Variants in DROSHA observed in about 807,000 individuals in gnomAD.
DROSHA encodes the protein ribonuclease 3.
In DROSHA, 56 loss-of-function variants were observed where a neutral mutation model predicts 181.9. The ratio of observed to expected loss-of-function variants is 0.31; its 90% confidence interval spans 0.25 to 0.38. The LOEUF (loss-of-function observed/expected upper bound fraction) is 0.38, where lower values mean the gene tolerates loss of function less well. DROSHA is among the 10% of genes least tolerant of loss of function. The pLI, the probability that DROSHA is intolerant of heterozygous loss-of-function variation, is 1.00. For synonymous variants in DROSHA, 524 were observed against 591.2 expected (o/e 0.89, Z 1.65); for missense variants, 1,218 against 1,743.5 (o/e 0.70, Z 5.37).
Position 31,514,044 on chromosome 5 carries a change from C to T in DROSHA, c.1290+944G>A, listed in dbSNP as rs1301230724. Among the ~76,000 whole-genome samples the T allele has an allele frequency of 6.6e-6, 1 of 152,126 alleles. No homozygotes were observed. The highest frequency in any genetic ancestry group is 1.5e-5 in the Non-Finnish European group (1 of 68,038). On this transcript the variant is annotated intron_variant, in intron 8 of 35. Coordinates refer to ENST00000344624, the MANE Select transcript of DROSHA (RefSeq NM_001382508.1). This position sits in a 1 kb window ranked among gnomAD's most constrained non-coding sequence, Gnocchi z 4.4. Reference sequence around the variant, plus strand: ...ACGCCGGCTGTAGCACCACAGGCGCCCCGGCCCTGGCAGCATGTGCTCTAG... The same window carrying T: ...ACGCCGGCTGTAGCACCACAGGCGCTCCGGCCCTGGCAGCATGTGCTCTAG...
Position 31,493,238 on chromosome 5 carries a change from A to G in DROSHA, c.1811T>C (p.Phe604Ser). Residue 604 changes from phenylalanine (F) to serine (S), a missense_variant, in exon 13 of 36, where the codon TTT becomes TCT. Phe to Ser is a radical substitution (Grantham distance 155, BLOSUM62 -2). Transcript: ENST00000344624. ...CAGGGGGGCATGTGCAAACATAGAA[A>G]ATCCTTCAAAGATATACTCGTGATC... ...YDDHEYIFEG[F>S]SMFAHAPLTN... is the part of the protein sequence containing the mutation. 1 of 1,606,956 alleles carries G rather than the reference A, an allele frequency of 6.2e-7. No homozygotes were observed. Among genetic ancestry groups the G allele is most frequent in the Non-Finnish European group, 8.5e-7 (1 of 1,177,088 alleles).
intron 10 of DROSHA, among the ~76,000 whole-genome samples, chr5:31,508,179 TTA>T (rs1738211751): frequency 6.6e-6 from 1 of 152,206 alleles, no homozygotes. Context: ...TGTCCACCTA[TTA>T]TGTTTTTAGC....
chr5:31,476,189 AC>A, intron 16 of DROSHA, among the ~76,000 whole-genome samples: 1 of 152,252 alleles, frequency 6.6e-6, no homozygotes, highest in East Asian at 1.9e-4. Flanking sequence ...ACGTGGCAAA[AC>A]CCTGTCTCTA....
chr5:31,480,916 A>T (rs1348843214), intron 16 of DROSHA, among the ~76,000 whole-genome samples: 1 of 152,220 alleles, frequency 6.6e-6, no homozygotes, highest in Non-Finnish European at 1.5e-5. Context: ...TGCATTTTTC[A>T]TGGCAGCACA....
intron 23 of DROSHA, among the ~76,000 whole-genome samples, chr5:31,443,160 C>A (rs1042902181): frequency 2.0e-5 from 3 of 151,378 alleles, no homozygotes; most frequent in Admixed American, 1.3e-4. Flanking sequence ...GCTGGGATTA[C>A]AGGAGGCCAC....
At chr5:31,473,843 G>A (rs571583816) in intron 16 of DROSHA, among the ~76,000 whole-genome samples, 1 of 152,216 alleles carries the variant, frequency 6.6e-6, no homozygotes. Context: ...GGCCACTGTG[G>A]ATGGTGTGAA....
At chr5:31,526,054 A>G (rs752732023) in intron 5 of DROSHA, 25 bp downstream of exon 5, 5 of 1,542,282 alleles carry the variant, frequency 3.2e-6, no homozygotes, top group African/African-American at 1.4e-5. Context: ...GCAGTTCATT[A>G]AAGAACTACA....
intron 11 of DROSHA, among the ~76,000 whole-genome samples, chr5:31,496,947 GCCT>G (rs1424515006): frequency 6.6e-6 from 1 of 152,222 alleles, no homozygotes; most frequent in Non-Finnish European, 1.5e-5. Flanking sequence ...TCTGGGGCAT[GCCT>G]CCTCATCTGA....
intron 21 of DROSHA, among the ~76,000 whole-genome samples, chr5:31,450,414 G>T (rs897696146): frequency 2.0e-5 from 3 of 152,148 alleles, no homozygotes; most frequent in African/African-American, 7.2e-5. Flanking sequence ...CAATTGCAAA[G>T]ATATGGAATC....
intron 11 of DROSHA, among the ~76,000 whole-genome samples, chr5:31,495,762 G>A (rs569820517): frequency 1.1e-4 from 17 of 152,338 alleles, no homozygotes; most frequent in African/African-American, 1.9e-4. Flanking sequence ...CATCTGGGTC[G>A]GTGGGTGAGC....
chr5:31,437,457 C>T, intron 23 of DROSHA, 159 bp from the exon 24 acceptor site: 1 of 655,986 alleles, frequency 1.5e-6, no homozygotes, highest in Non-Finnish European at 2.6e-6. Context: ...CCATCTTAGC[C>T]TAGAGGCATC....
chr5:31,484,395 A>G (rs1374866671), intron 15 of DROSHA, among the ~76,000 whole-genome samples: 1 of 133,752 alleles, frequency 7.5e-6, no homozygotes, highest in East Asian at 2.5e-4. Context: ...AAAAAAAAAA[A>G]AAAAAAAAAA....
In DROSHA at chr5:31,526,446, GCTGCGGCATGA is replaced by G; in HGVS notation, c.476_486del (p.Val159AlafsTer3). The G allele has an allele frequency of 6.2e-7, 1 of 1,612,282 alleles. No homozygotes were observed. Among genetic ancestry groups the G allele is most frequent in the South Asian group, 1.1e-5 (1 of 90,912 alleles). ...CCCGGAGGGTACTGATAATTAACCT[GCTGCGGCATGA>G]CTGGAGGGGGCGGGGGATGAGGCAT... On this transcript the variant is annotated frameshift_variant, in exon 5 of 36. Coordinates refer to ENST00000344624, the MANE Select transcript of DROSHA (RefSeq NM_001382508.1). LOFTEE classifies it high-confidence loss of function.
chr5:31,488,356 T>C (rs1277238684), intron 13 of DROSHA, among the ~76,000 whole-genome samples: 2 of 139,114 alleles, frequency 1.4e-5, no homozygotes, highest in Non-Finnish European at 3.0e-5. Flanking sequence ...GAGGTTGCAG[T>C]GAACCAAGAT....
At chr5:31,517,107 A>G (rs1739350547) in intron 6 of DROSHA, among the ~76,000 whole-genome samples, 1 of 152,208 alleles carries the variant, frequency 6.6e-6, no homozygotes, top group South Asian at 2.1e-4. Context: ...AATTTGAAGT[A>G]TTTTATCAAT....
chr5:31,431,366 C>CAAAAAAAAAAAA (rs58316191), intron 26 of DROSHA, among the ~76,000 whole-genome samples: 3 of 57,664 alleles, frequency 5.2e-5, no homozygotes, highest in Non-Finnish European at 9.5e-5. Flanking sequence ...CAGTAGAATG[C>CAAAAAAAAAAAA]AAAAAAAAAA....
chr5:31,526,852 G>A lies in DROSHA; in HGVS notation c.81C>T (p.Ala27=). 1.9e-6 allele frequency: 3 copies of A among 1,613,404 alleles called. No homozygotes were observed. The highest frequency in any genetic ancestry group is 2.5e-6 in the Non-Finnish European group (3 of 1,179,840). Reference sequence around the variant, plus strand: ...GCCTAAAGGATGGTGCTGAGGGTCTGGCTCCATGTCCTCCTCGTCCTCGGG... The same window carrying A: ...GCCTAAAGGATGGTGCTGAGGGTCTAGCTCCATGTCCTCCTCGTCCTCGGG... ...GCPRGRGGHG[A]RPSAPSFRPQ... Residue 27 remains alanine (A), a synonymous_variant, in exon 5 of 36, where the codon GCC becomes GCT. Coordinates refer to ENST00000344624, the MANE Select transcript of DROSHA (RefSeq NM_001382508.1).
chr5:31,531,457 A>G lies in DROSHA; in HGVS notation c.-181T>C, dbSNP rs1741370843. On this transcript the variant is annotated 5_prime_UTR_variant, in exon 2 of 36. Transcript: ENST00000344624. ...TCAAGGAATTCACTGCACCTGGAAAAGTAACTCTCTTTTCTCCGTCTGTCT... is the reference window on the plus strand; with the variant it reads ...TCAAGGAATTCACTGCACCTGGAAAGGTAACTCTCTTTTCTCCGTCTGTCT... 1 of 152,204 alleles carries G rather than the reference A, an allele frequency of 6.6e-6. No individual in the cohort carries two copies. The allele number at this position is 152,204 out of a possible 1,614,324, so 9.4% of individuals were successfully genotyped here.
intron 10 of DROSHA, chr5:31,505,820 C>T (rs1489966062): frequency 6.6e-6 from 1 of 151,972 alleles, no homozygotes; most frequent in Non-Finnish European, 1.5e-5. Flanking sequence ...TATATACACA[C>T]ACATATTTCT....
Sources: gnomAD v4.1 joint callset for allele counts (sites outside exome capture counted in the v4.1 genomes callset) on GRCh38, gnomAD v4.1.1 for gene constraint, Gnocchi (gnomAD v3.1) non-coding constraint, MANE v1.5 for transcripts, NCBI Gene and HGNC (gene_info 2026-07-23, HGNC 2026-07-21) for gene names.